HS1BP3: variants seen among roughly 807,000 people sequenced by gnomAD.
HS1BP3 encodes the protein HCLS1-binding protein 3.
Under a neutral mutation model 33.5 loss-of-function variants are expected in HS1BP3, and 32 were observed. The ratio of observed to expected loss-of-function variants is 0.95; its 90% confidence interval spans 0.72 to 1.28. The LOEUF (loss-of-function observed/expected upper bound fraction) is 1.28. Ranked by LOEUF, HS1BP3 falls within the 50% of genes most tolerant of loss-of-function variation. HS1BP3 has a pLI of 0.00. For missense variants in HS1BP3, 486 were observed against 502.3 expected (o/e 0.97, Z 0.31); for synonymous variants, 187 against 209.2 (o/e 0.89, Z 0.92).
chr2:20,576,273 C>T (rs1173663496), intron 5 of HS1BP3, among the ~76,000 whole-genome samples: 1 of 152,178 alleles, frequency 6.6e-6, no homozygotes, highest in South Asian at 2.1e-4. Flanking sequence ...TGAGCCATTG[C>T]ACCCGGCTAT....
chr2:20,615,839 CAG>C (rs1694412363), downstream of HS1BP3, among the ~76,000 whole-genome samples: 4 of 152,234 alleles, frequency 2.6e-5, no homozygotes, highest in Admixed American at 2.6e-4. Context: ...GCTTGAGACT[CAG>C]AGGAGCCCGT....
rs186599508 is a variant in HS1BP3 at position 20,602,880 on chromosome 2, A to G, written c.179-4615T>C. Among the ~76,000 whole-genome samples the G allele has an allele frequency of 1.6e-3, 249 of 152,352 alleles. 2 individuals are homozygous for G. Among genetic ancestry groups the G allele is most frequent in the Middle Eastern group, 0.01 (3 of 294 alleles). Reference sequence around the variant, plus strand: ...ATAAGAAGCTCTTTTCGAAAACTCAATAATAAAAAGACAACACAATATAAA... The same window carrying G: ...ATAAGAAGCTCTTTTCGAAAACTCAGTAATAAAAAGACAACACAATATAAA... On this transcript the variant is annotated intron_variant, in intron 2 of 3. Transcript: ENST00000415264.
chr2:20,556,123 A>G (rs752250298), downstream of HS1BP3, among the ~76,000 whole-genome samples: 3 of 152,216 alleles, frequency 2.0e-5, no homozygotes, highest in Non-Finnish European at 4.4e-5. Context: ...CTATTCTAGT[A>G]CCATAGTTCT....
intron 2 of HS1BP3, among the ~76,000 whole-genome samples, chr2:20,603,619 T>C (rs1172561041): frequency 1.3e-5 from 2 of 152,238 alleles, no homozygotes; most frequent in East Asian, 3.8e-4. Flanking sequence ...CTAAGGAGTA[T>C]AGAGTTTCTT....
chr2:20,630,800 TC>T (rs1469100444), intron 4 of HS1BP3, among the ~76,000 whole-genome samples: 3 of 152,098 alleles, frequency 2.0e-5, no homozygotes, highest in Non-Finnish European at 4.4e-5. Flanking sequence ...AAAGCTGTGC[TC>T]CGGGCAGAGA....
At chr2:20,606,595 T>G in intron 2 of HS1BP3, 1 of 488,614 alleles carries the variant, frequency 2.0e-6, no homozygotes, top group Non-Finnish European at 4.1e-6. Flanking sequence ...TCACTGGGTC[T>G]TTGTCTTTCC....
At chr2:20,572,709 T>C (rs1693303952) in intron 5 of HS1BP3, among the ~76,000 whole-genome samples, 1 of 152,224 alleles carries the variant, frequency 6.6e-6, no homozygotes, top group Non-Finnish European at 1.5e-5. Flanking sequence ...CTTCAGAGGC[T>C]CCTTCCTCCT....
chr2:20,590,156 G>A (rs1693776982), downstream of HS1BP3, among the ~76,000 whole-genome samples: 1 of 152,144 alleles, frequency 6.6e-6, no homozygotes, highest in African/African-American at 2.4e-5. Flanking sequence ...GGAAGCTGGG[G>A]GCATTTGGCC....
Position 20,643,722 on chromosome 2 carries a change from G to A in HS1BP3, c.198+1618C>T, listed in dbSNP as rs1417385106. Among the ~76,000 whole-genome samples the A allele has an allele frequency of 3.3e-5, 5 of 152,310 alleles. No individual in the cohort carries two copies. The East Asian group carries it at 9.7e-4, about 29-fold the overall frequency. ...GGATTGCTTAAGCCCAGCTTGAGGA[G>A]TTTGAGACCAGCCTGGACAACATAA... On this transcript the variant is annotated intron_variant, in intron 2 of 6. Transcript: ENST00000304031.
chr2:20,599,528 C>G (rs183385697), intron 2 of HS1BP3, among the ~76,000 whole-genome samples: 8 of 151,686 alleles, frequency 5.3e-5, no homozygotes, highest in Admixed American at 5.2e-4. Flanking sequence ...GGATTGTGGA[C>G]AGAGGTCAAA....
chr2:20,577,882 G>A (rs1456078864), intron 5 of HS1BP3, among the ~76,000 whole-genome samples: 1 of 152,240 alleles, frequency 6.6e-6, no homozygotes, highest in African/African-American at 2.4e-5. Context: ...TGATTCATAT[G>A]CTGATGTATC....
chr2:20,597,973 G>T (rs1040100958), intron 3 of HS1BP3, among the ~76,000 whole-genome samples: 2 of 152,156 alleles, frequency 1.3e-5, no homozygotes, highest in Non-Finnish European at 2.9e-5. Context: ...CCCTGGTGAG[G>T]AGGGACAATC....
chr2:20,574,511 G>T lies in HS1BP3; in HGVS notation c.303-13996C>A, dbSNP rs1207588627. Among the ~76,000 whole-genome samples, 6 of 152,340 alleles carry T rather than the reference G, an allele frequency of 3.9e-5. No homozygotes were observed. In the East Asian group the frequency reaches 1.2e-3, roughly 29 times the overall value. On this transcript the variant is annotated intron_variant, in intron 5 of 5. Coordinates refer to the HS1BP3 transcript ENST00000446825. ...AGGCTTGGCAAGCAGGGTTGAGCTG[G>T]ACTGGGAGAGGAAGACCTGGGGCAT... is the stretch of plus-strand genomic sequence containing the variant.
At chr2:20,630,031 T>C (rs1694923186) in intron 4 of HS1BP3, among the ~76,000 whole-genome samples, 1 of 152,202 alleles carries the variant, frequency 6.6e-6, no homozygotes, top group South Asian at 2.1e-4. Flanking sequence ...GCACCGGGTG[T>C]ACATGCATGG....
At chr2:20,606,543 C>G in intron 2 of HS1BP3, 3 of 484,820 alleles carry the variant, frequency 6.2e-6, no homozygotes, top group Non-Finnish European at 1.2e-5. Context: ...CGAACTATGT[C>G]TTTGGAGCAC....
At chr2:20,633,170 G>A (rs1695018751) in intron 4 of HS1BP3, among the ~76,000 whole-genome samples, 6 of 152,202 alleles carry the variant, frequency 3.9e-5, no homozygotes, top group African/African-American at 7.2e-5. Flanking sequence ...ACCTGGGACT[G>A]CCCATCTTTA....
chr2:20,561,801 C>A (rs1484652338), intron 5 of HS1BP3, among the ~76,000 whole-genome samples: 5 of 152,052 alleles, frequency 3.3e-5, no homozygotes, highest in Non-Finnish European at 5.9e-5. Context: ...CTTTTTTATG[C>A]TAATGAGATG....
At chr2:20,639,610 T>G (rs1283709738) in intron 3 of HS1BP3, among the ~76,000 whole-genome samples, 1 of 152,256 alleles carries the variant, frequency 6.6e-6, no homozygotes, top group Non-Finnish European at 1.5e-5. Context: ...CTCTGTTATT[T>G]TACTTGGACA....
chr2:20,598,757 ACTGTTTTAG>A (rs1694004534), intron 2 of HS1BP3, among the ~76,000 whole-genome samples: 1 of 150,946 alleles, frequency 6.6e-6, no homozygotes, highest in Admixed American at 6.6e-5. Flanking sequence ...ACGGGGTTTC[ACTGTTTTAG>A]CCGGGATGGT....
Sources: allele counts gnomAD v4.1 joint callset (sites outside exome capture counted in the v4.1 genomes callset), GRCh38; gene constraint gnomAD v4.1.1; transcripts MANE v1.5; gene names NCBI Gene and HGNC (gene_info 2026-07-23, HGNC 2026-07-21).